KIRREL3: variants seen among roughly 807,000 people sequenced by gnomAD.
KIRREL3 encodes the protein kirre like nephrin family adhesion molecule 3, also known as kin of IRRE-like protein 3.
KIRREL3 carries 36 observed loss-of-function variants against 89.7 expected under a neutral mutation model. The ratio of observed to expected loss-of-function variants is 0.40; its 90% CI spans 0.31 to 0.53. The LOEUF (loss-of-function observed/expected upper bound fraction) is 0.53, where lower values mean the gene tolerates loss of function less well. Ranked by LOEUF, KIRREL3 falls within the 20% of genes least tolerant of loss-of-function variation. The pLI is 0.49. For synonymous variants in KIRREL3, 445 were observed against 441.4 expected (o/e 1.01, Z -0.10); for missense variants, 864 against 1,056.6 (o/e 0.82, Z 2.53).
At chr11:126,986,105 C>T (rs1206330043) in intron 1 of KIRREL3, among the ~76,000 whole-genome samples, 2 of 152,120 alleles carry the variant, frequency 1.3e-5, no homozygotes, top group Non-Finnish European at 2.9e-5. Flanking sequence ...AGGGTGTACA[C>T]GGCATCCACT....
At chr11:126,556,237 G>A (rs577466076) in intron 2 of KIRREL3, among the ~76,000 whole-genome samples, 3 of 152,118 alleles carry the variant, frequency 2.0e-5, no homozygotes, top group Non-Finnish European at 4.4e-5. Flanking sequence ...ACAGGGTCTA[G>A]GGTGGTGGCA....
intron 1 of KIRREL3, among the ~76,000 whole-genome samples, chr11:126,600,684 A>G (rs913066476): frequency 6.6e-6 from 1 of 152,236 alleles, no homozygotes; most frequent in Non-Finnish European, 1.5e-5. Flanking sequence ...TAGCTGAAAT[A>G]GAGCTCCAAT....
At chr11:126,567,709 T>G (rs1940618416) in intron 1 of KIRREL3, among the ~76,000 whole-genome samples, 2 of 150,252 alleles carry the variant, frequency 1.3e-5, no homozygotes, top group Non-Finnish European at 1.5e-5. Flanking sequence ...AGAAGGCTGG[T>G]TACGTGTCTG....
At chr11:126,585,525 C>G (rs1045821250) in intron 1 of KIRREL3, among the ~76,000 whole-genome samples, 1 of 152,222 alleles carries the variant, frequency 6.6e-6, no homozygotes, top group African/African-American at 2.4e-5. Context: ...TGAGCCACCG[C>G]GCCCGGCCAG....
chr11:126,842,828 T>C (rs998410765), intron 1 of KIRREL3, among the ~76,000 whole-genome samples: 1 of 152,216 alleles, frequency 6.6e-6, no homozygotes, highest in African/African-American at 2.4e-5. Flanking sequence ...AGCCCTGTCA[T>C]AGACAGAACA....
rs766747196 is a variant in KIRREL3, at chr11:126,764,871, C to T, written c.56-201959G>A. 5.3e-5 allele frequency among the ~76,000 whole-genome samples: 8 copies of T among 152,182 alleles called. No individual in the cohort carries two copies. The highest frequency in any genetic ancestry group is 7.3e-5 in the Non-Finnish European group (5 of 68,032). On this transcript the variant is annotated intron_variant, in intron 1 of 16. Transcript: ENST00000525144. This position sits in a 1 kb window ranked among gnomAD's most constrained non-coding sequence, Gnocchi z 4.2. ...GCCTTTGGCAGGAGTCCTCTACTCT[C>T]GGCCTGGATCCTCTTCAATGAACCA...
chr11:126,956,292 T>A (rs1948920184), intron 1 of KIRREL3, among the ~76,000 whole-genome samples: 1 of 152,220 alleles, frequency 6.6e-6, no homozygotes, highest in Non-Finnish European at 1.5e-5. Flanking sequence ...CGCTCAGCTC[T>A]CCTTCTTACT....
rs1008659939 is a variant in KIRREL3, at chr11:126,459,310, G to C, written c.743-2856C>G. On this transcript the variant is annotated intron_variant, in intron 6 of 16. Coordinates refer to ENST00000525144, the MANE Select transcript of KIRREL3 (RefSeq NM_032531.4). This position sits in a 1 kb window ranked among gnomAD's most constrained non-coding sequence, Gnocchi z 4.8. Reference sequence around the variant, plus strand: ...CACACACCTGTTGTAGGACCTTCCTGCTGCCCGATGCCTCATCACGCCCCT... The same window carrying C: ...CACACACCTGTTGTAGGACCTTCCTCCTGCCCGATGCCTCATCACGCCCCT... Among the ~76,000 whole-genome samples, 11 of 152,162 alleles carry C rather than the reference G, an allele frequency of 7.2e-5. No homozygotes were observed. The highest frequency in any genetic ancestry group is 2.7e-4 in the African/African-American group (11 of 41,426).
In KIRREL3 at chr11:126,695,941, C is replaced by T. The variant is rs111617518; in HGVS notation, c.56-133029G>A. On this transcript the variant is annotated intron_variant, in intron 1 of 16. Coordinates refer to ENST00000525144, the MANE Select transcript of KIRREL3 (RefSeq NM_032531.4). ...CCCCAGTTCCCTGACACTGCTGCCTCCTCATATGCTTTGCTAAGAAAACCT... is the reference window on the plus strand; with the variant it reads ...CCCCAGTTCCCTGACACTGCTGCCTTCTCATATGCTTTGCTAAGAAAACCT... Among the ~76,000 whole-genome samples, 73 of 152,318 alleles carry T rather than the reference C, an allele frequency of 4.8e-4. 1 individual carries two copies. The highest frequency in any genetic ancestry group is 1.8e-3 in the African/African-American group (73 of 41,572).
intron 2 of KIRREL3, among the ~76,000 whole-genome samples, chr11:126,554,310 A>C (rs1939531554): frequency 6.6e-6 from 1 of 152,138 alleles, no homozygotes; most frequent in African/African-American, 2.4e-5. Flanking sequence ...GAAATTCTCT[A>C]GTCCGAAGTC....
At position 126,991,285 on chromosome 11, in the gene KIRREL3, A is replaced by G. The variant is rs937593189; in HGVS notation, c.55+9170T>C. The stretch of plus-strand genomic sequence containing the variant: ...CCAGGGGCCCTCTCAGCATCTCTCC[A>G]TGTGCTGATATTACAAGCACTGCTG... On this transcript the variant is annotated intron_variant, in intron 1 of 16. Coordinates refer to ENST00000525144, the MANE Select transcript of KIRREL3 (RefSeq NM_032531.4). The surrounding 1 kb of genome is among the most constrained non-coding windows in gnomAD (Gnocchi z 5.8). Among the ~76,000 whole-genome samples the G allele has an allele frequency of 6.6e-6, 1 of 152,040 alleles. No homozygotes were observed. Among genetic ancestry groups the G allele is most frequent in the African/African-American group, 2.4e-5 (1 of 41,386 alleles).
rs1359049219 is a variant in KIRREL3 at position 126,557,121 on chromosome 11, G to A, written c.133+5714C>T. Among the ~76,000 whole-genome samples the A allele has an allele frequency of 1.3e-5, 2 of 152,176 alleles. No individual in the cohort carries two copies. Among genetic ancestry groups the A allele is most frequent in the African/African-American group, 4.8e-5 (2 of 41,444 alleles). ...AGTGCTGCCGGTAGCAGGGAGGCCT[G>A]CTCATCCCTGGGTCAGGTCCCCAGG... is the stretch of plus-strand genomic sequence containing the variant. On this transcript the variant is annotated intron_variant, in intron 2 of 16. Transcript: ENST00000525144. The surrounding 1 kb of genome is among the most constrained non-coding windows in gnomAD (Gnocchi z 5.6).
At position 126,562,802 on chromosome 11, in the gene KIRREL3, T is replaced by A; in HGVS notation, c.133+33A>T. On this transcript the variant is annotated intron_variant, in intron 2 of 16. Coordinates refer to ENST00000525144, the MANE Select transcript of KIRREL3 (RefSeq NM_032531.4). The surrounding 1 kb of genome is among the most constrained non-coding windows in gnomAD (Gnocchi z 4.7). The stretch of plus-strand genomic sequence containing the variant: ...AGGGGAGAGCTTCCTCCCTCCAGAT[T>A]ACTCCCGAGACAATGGGGAGGTTCT... 6.3e-7 allele frequency: 1 copy of A among 1,584,176 alleles called. No homozygotes were observed. Among genetic ancestry groups the A allele is most frequent in the African/African-American group, 1.3e-5 (1 of 74,512 alleles).
At chr11:126,857,756 C>G (rs558019665) in intron 1 of KIRREL3, among the ~76,000 whole-genome samples, 1 of 101,330 alleles carries the variant, frequency 9.9e-6, no homozygotes, top group Non-Finnish European at 1.8e-5. Flanking sequence ...TCAGCCAATG[C>G]GTGTGGGAGA....
At chr11:126,848,052 G>C (rs1158420650) in intron 1 of KIRREL3, among the ~76,000 whole-genome samples, 2 of 152,064 alleles carry the variant, frequency 1.3e-5, no homozygotes, top group African/African-American at 4.8e-5. Flanking sequence ...CCCTGTACAG[G>C]GTTCCTGACC....
At chr11:126,973,240 A>G (rs1481124399) in intron 1 of KIRREL3, among the ~76,000 whole-genome samples, 1 of 151,846 alleles carries the variant, frequency 6.6e-6, no homozygotes, top group East Asian at 1.9e-4. Context: ...GAGTCTTCTT[A>G]GGGCTTCTAT....
rs920942773 is a variant in KIRREL3, at chr11:126,645,243, G to C, written c.56-82331C>G. 2.6e-5 allele frequency among the ~76,000 whole-genome samples: 4 copies of C among 152,190 alleles called. No individual in the cohort carries two copies. The highest frequency in any genetic ancestry group is 5.9e-5 in the Non-Finnish European group (4 of 68,032). ...AATGCTAATGAAATATTCTCAACTT[G>C]AGTTCCCTGCGGTTGTGGTCATGGG... On this transcript the variant is annotated intron_variant, in intron 1 of 16. Transcript: ENST00000525144. The surrounding 1 kb of genome is among the most constrained non-coding windows in gnomAD (Gnocchi z 4.9).
intron 2 of KIRREL3, among the ~76,000 whole-genome samples, chr11:126,552,554 T>A (rs1591724126): frequency 2.8e-5 from 2 of 72,298 alleles, no homozygotes; most frequent in African/African-American, 1.3e-4. Flanking sequence ...AGAAAAGTTT[T>A]TTTTTTTTTT....
rs533022293 is a variant in KIRREL3 at position 126,508,219 on chromosome 11, C to T, written c.433+13096G>A. 5.1e-4 allele frequency among the ~76,000 whole-genome samples: 78 copies of T among 152,306 alleles called. No homozygotes were observed. Among genetic ancestry groups the T allele is most frequent in the Non-Finnish European group, 6.6e-4 (45 of 68,038 alleles). On this transcript the variant is annotated intron_variant, in intron 4 of 16. Coordinates refer to ENST00000525144, the MANE Select transcript of KIRREL3 (RefSeq NM_032531.4). This position sits in a 1 kb window ranked among gnomAD's most constrained non-coding sequence, Gnocchi z 4.9. Reference sequence around the variant, plus strand: ...TGGATCGACTTGTGAAAGTGTGACACATTTTTTGGAAGCCAGTTTTTTCGG... The same window carrying T: ...TGGATCGACTTGTGAAAGTGTGACATATTTTTTGGAAGCCAGTTTTTTCGG...
Sources: gnomAD v4.1 joint callset for allele counts (sites outside exome capture counted in the v4.1 genomes callset) on GRCh38, gnomAD v4.1.1 for gene constraint, Gnocchi (gnomAD v3.1) non-coding constraint, MANE v1.5 for transcripts, NCBI Gene and HGNC (gene_info 2026-07-23, HGNC 2026-07-21) for gene names.